The following MYH11 variants were observed in gnomAD, a reference collection of about 807,000 sequenced individuals.
MYH11 encodes the protein myosin-11.
A neutral mutation model predicts 246.6 loss-of-function variants in MYH11; 80 were observed. That is an observed-to-expected ratio of 0.32 (90% CI 0.27 to 0.39). The LOEUF (loss-of-function observed/expected upper bound fraction) is 0.39. Ranked by LOEUF, MYH11 falls within the 10% of genes least tolerant of loss-of-function variation. MYH11 has a pLI of 1.00. For synonymous variants in MYH11, 1,071 were observed against 1,015.5 expected (o/e 1.05, Z -1.04); for missense variants, 2,158 against 2,546.8 (o/e 0.85, Z 3.29).
chr16:15,775,800 C>G (rs568079259), intron 8 of MYH11: 359 of 495,630 alleles, frequency 7.2e-4, no homozygotes, highest in Non-Finnish European at 1.1e-3. Context: ...GGACTTGATG[C>G]TCTCTGGTCT....
chr16:15,767,919 T>C (rs915296570), intron 9 of MYH11, among the ~76,000 whole-genome samples: 1 of 151,254 alleles, frequency 6.6e-6, no homozygotes, highest in African/African-American at 2.4e-5. Context: ...CAACATCTTG[T>C]CTTTTAAAAA....
intron 40 of MYH11, chr16:15,714,066 G>C (rs1180467615): frequency 1.3e-5 from 2 of 152,428 alleles, no homozygotes; most frequent in African/African-American, 4.8e-5. Context: ...TCAAGGAACC[G>C]AGAGGCTGCG....
intron 26 of MYH11, 84 bp from the exon 27 acceptor site, chr16:15,732,792 C>T: frequency 6.5e-7 from 1 of 1,541,824 alleles, no homozygotes; most frequent in African/African-American, 1.4e-5. Flanking sequence ...AGAGCTCTTC[C>T]AGGACCCAGA....
chr16:15,735,214 C>T (rs943725299), intron 26 of MYH11, 152 bp downstream of exon 26: 18 of 793,536 alleles, frequency 2.3e-5, no homozygotes, highest in Non-Finnish European at 3.5e-5. Context: ...AAGAAACAGC[C>T]AACCATGCTT....
chr16:15,855,483 G>A (rs991061197), intron 1 of MYH11, among the ~76,000 whole-genome samples: 15 of 152,170 alleles, frequency 9.9e-5, no homozygotes, highest in Non-Finnish European at 1.8e-4. Flanking sequence ...AAACTGACCC[G>A]GGAATGGGTT....
At chr16:15,794,995 T>C (rs985209381) in intron 4 of MYH11, among the ~76,000 whole-genome samples, 9 of 152,006 alleles carry the variant, frequency 5.9e-5, no homozygotes, top group Non-Finnish European at 1.0e-4. Context: ...TTAGAACCAG[T>C]GTGGGGAGAA....
At chr16:15,856,295 A>G (rs1021829145) in intron 1 of MYH11, among the ~76,000 whole-genome samples, 7 of 147,736 alleles carry the variant, frequency 4.7e-5, no homozygotes, top group African/African-American at 1.2e-4. Context: ...CTTATCTCCC[A>G]GGGGTTCTCA....
chr16:15,709,349 C>G (rs1006620921), intron 40 of MYH11, among the ~76,000 whole-genome samples: 1 of 152,014 alleles, frequency 6.6e-6, no homozygotes, highest in African/African-American at 2.4e-5. Flanking sequence ...GATACTCTGT[C>G]ACCCAGGATG....
intron 40 of MYH11, chr16:15,708,774 A>C (rs780139983): frequency 1.3e-6 from 2 of 1,598,192 alleles, no homozygotes; most frequent in South Asian, 1.1e-5. Context: ...CTGAGACAAC[A>C]CACAGCTGCG....
At chr16:15,738,812 T>G (rs2041195188) in intron 23 of MYH11, 124 bp from the exon 24 acceptor site, 1 of 1,153,652 alleles carries the variant, frequency 8.7e-7, no homozygotes, top group East Asian at 2.5e-5. Context: ...AAAATACAAC[T>G]AGAGTTTTAA....
chr16:15,735,650 CT>C (rs1041193166), intron 25 of MYH11, 72 bp from the exon 26 acceptor site: 62 of 1,483,956 alleles, frequency 4.2e-5, no homozygotes, highest in Non-Finnish European at 5.3e-5. Context: ...TGGCCAAAAA[CT>C]TTTCTGGGAC....
rs909380793 is a variant in MYH11, at chr16:15,736,939, C to T, written c.3293+510G>A. ...CTAAGAGCCAGGAAGAGGGAAAAACCAGAGGAAATGGGTGGGGGACATTTA... is the reference window on the plus strand; with the variant it reads ...CTAAGAGCCAGGAAGAGGGAAAAACTAGAGGAAATGGGTGGGGGACATTTA... On this transcript the variant is annotated intron_variant, in intron 25 of 40. Coordinates refer to ENST00000300036, the MANE Select transcript of MYH11 (RefSeq NM_002474.3). Among the ~76,000 whole-genome samples the T allele has an allele frequency of 2.0e-5, 3 of 152,078 alleles. No homozygotes were observed. In the East Asian group the frequency reaches 5.8e-4, roughly 29 times the overall value.
intron 2 of MYH11, among the ~76,000 whole-genome samples, chr16:15,827,991 G>T (rs539588373): frequency 6.6e-6 from 1 of 152,122 alleles, no homozygotes; most frequent in Admixed American, 6.6e-5. Flanking sequence ...CCACTGCCAC[G>T]CCCCTTTTGA....
intron 4 of MYH11, among the ~76,000 whole-genome samples, chr16:15,788,757 T>C (rs1182636895): frequency 6.6e-6 from 1 of 151,536 alleles, no homozygotes. Flanking sequence ...CATGAAGGCA[T>C]TACCCCATTT....
At chr16:15,843,463 G>A (rs975446657) in intron 1 of MYH11, among the ~76,000 whole-genome samples, 2 of 151,702 alleles carry the variant, frequency 1.3e-5, no homozygotes, top group Admixed American at 6.6e-5. Context: ...GGCTGAGGCG[G>A]GCAGATCACG....
At chr16:15,710,030 CAG>C (rs1342334477) in intron 40 of MYH11, among the ~76,000 whole-genome samples, 4 of 152,216 alleles carry the variant, frequency 2.6e-5, no homozygotes, top group Non-Finnish European at 5.9e-5. Flanking sequence ...CAACCTCCCT[CAG>C]GGCTCTAGTG....
chr16:15,843,367 C>T (rs2044104793), intron 1 of MYH11, among the ~76,000 whole-genome samples: 2 of 147,478 alleles, frequency 1.4e-5, no homozygotes, highest in East Asian at 2.0e-4. Context: ...CAAGACTTTG[C>T]CAAGGAAGGA....
intron 1 of MYH11, 89 bp from the exon 2 acceptor site, chr16:15,838,358 G>C (rs534370760): frequency 4.0e-6 from 4 of 1,009,606 alleles, no homozygotes; most frequent in African/African-American, 3.2e-5. Context: ...CTAGGAACTC[G>C]GTCTGCAGAG....
At chr16:15,784,810 C>A (rs1010784140) in intron 5 of MYH11, 7 of 1,454,496 alleles carry the variant, frequency 4.8e-6, no homozygotes, top group Admixed American at 3.7e-5. Flanking sequence ...TTTGATCCCC[C>A]CAAACAGCCT....
Sources: allele counts gnomAD v4.1 joint callset (sites outside exome capture counted in the v4.1 genomes callset), GRCh38; gene constraint gnomAD v4.1.1; transcripts MANE v1.5; gene names NCBI Gene and HGNC (gene_info 2026-07-23, HGNC 2026-07-21).